The following DPY19L2 variants were observed in gnomAD, a reference collection of about 807,000 sequenced individuals.
The protein encoded by DPY19L2 is dpy-19 like 2.
In DPY19L2, 34 loss-of-function variants were observed where a neutral mutation model predicts 97.9. The ratio of observed to expected loss-of-function variants is 0.35; its 90% CI spans 0.26 to 0.46. The LOEUF is 0.46. DPY19L2 is among the 20% of genes least tolerant of loss of function. The pLI, the probability that DPY19L2 is intolerant of heterozygous loss-of-function variation, is 1.00. For missense variants in DPY19L2, 623 were observed against 911.4 expected, an observed-to-expected ratio of 0.68 and a Z score of 4.07; for synonymous variants, 230 against 307.9, an observed-to-expected ratio of 0.75 and a Z score of 2.65.
chr12:63,618,587 AC>A (rs1468723602), intron 9 of DPY19L2, among the ~76,000 whole-genome samples: 1 of 152,054 alleles, frequency 6.6e-6, no homozygotes, highest in African/African-American at 2.4e-5. Context: ...TGGAAGACCA[AC>A]AAGCTGAGCA....
At chr12:63,647,502 G>A in intron 4 of DPY19L2, 137 bp from the exon 5 acceptor site, 1 of 367,524 alleles carries the variant, frequency 2.7e-6, no homozygotes, top group Non-Finnish European at 4.5e-6. Flanking sequence ...TGACATGGAT[G>A]AAGCTGGAAA....
At chr12:63,566,986 A>G (rs567467510) in intron 21 of DPY19L2, among the ~76,000 whole-genome samples, 1 of 152,204 alleles carries the variant, frequency 6.6e-6, no homozygotes, top group African/African-American at 2.4e-5. Context: ...AACGTTTACC[A>G]TCTGTTTGTG....
intron 13 of DPY19L2, among the ~76,000 whole-genome samples, chr12:63,598,632 T>G (rs1196029659): frequency 5.3e-5 from 8 of 152,178 alleles, no homozygotes; most frequent in Admixed American, 1.3e-4. Flanking sequence ...ATTCAAATTA[T>G]TTTATAGTGA....
intron 6 of DPY19L2, among the ~76,000 whole-genome samples, chr12:63,641,151 G>A (rs200092685): frequency 6.6e-5 from 10 of 151,940 alleles, no homozygotes; most frequent in East Asian, 1.9e-4. Flanking sequence ...TGATCTGCCC[G>A]CCTCGGCCTC....
intron 6 of DPY19L2, among the ~76,000 whole-genome samples, chr12:63,627,548 C>G (rs1300490482): frequency 6.6e-6 from 1 of 152,124 alleles, no homozygotes; most frequent in Admixed American, 6.5e-5. Context: ...CGGTGCTTCA[C>G]CATGTTGGCC....
chr12:63,619,440 C>T (rs1242485330), intron 9 of DPY19L2, among the ~76,000 whole-genome samples: 1 of 151,786 alleles, frequency 6.6e-6, no homozygotes, highest in Non-Finnish European at 1.5e-5. Context: ...AAACTATATA[C>T]ATTAGTAAAG....
intron 6 of DPY19L2, among the ~76,000 whole-genome samples, chr12:63,635,291 C>G (rs1364769709): frequency 1.3e-5 from 2 of 152,104 alleles, no homozygotes; most frequent in Non-Finnish European, 2.9e-5. Flanking sequence ...ACGTCACCAT[C>G]ATCAAAGACC....
intron 16 of DPY19L2, among the ~76,000 whole-genome samples, chr12:63,591,365 T>C (rs34151628): frequency 0.4 from 60,912 of 151,890 alleles, 12,239 homozygotes; most frequent in East Asian, 0.48. Context: ...TATTTACAAA[T>C]ATAAAATGTA....
chr12:63,592,183 AAGGG>A (rs1226614472), intron 16 of DPY19L2, among the ~76,000 whole-genome samples: 1 of 147,198 alleles, frequency 6.8e-6, no homozygotes, highest in Non-Finnish European at 1.5e-5. Context: ...GGAAGGGAGG[AAGGG>A]AGGGAGGGAG....
intron 11 of DPY19L2, among the ~76,000 whole-genome samples, chr12:63,610,186 A>G (rs1170465346): frequency 7.2e-5 from 11 of 152,048 alleles, no homozygotes; most frequent in Non-Finnish European, 1.5e-4. Context: ...TAAAAAGCCA[A>G]CTAAATGGGT....
upstream of DPY19L2, chr12:63,668,777 A>G: frequency 9.4e-6 from 2 of 213,680 alleles, no homozygotes; most frequent in Non-Finnish European, 1.9e-5. Context: ...AGCCCCATGT[A>G]CAGCCCCGGA....
intron 6 of DPY19L2, among the ~76,000 whole-genome samples, chr12:63,643,150 T>G (rs1372120755): frequency 6.6e-6 from 1 of 152,114 alleles, no homozygotes; most frequent in Non-Finnish European, 1.5e-5. Flanking sequence ...GCAAATACTG[T>G]ATCCATAAAC....
At chr12:63,643,594 G>A (rs556345879) in intron 6 of DPY19L2, among the ~76,000 whole-genome samples, 2 of 152,280 alleles carry the variant, frequency 1.3e-5, no homozygotes, top group East Asian at 1.9e-4. Context: ...GTTGTTTATT[G>A]TATCATTCAA....
intron 6 of DPY19L2, among the ~76,000 whole-genome samples, chr12:63,632,495 A>G (rs1303736774): frequency 6.6e-6 from 1 of 152,204 alleles, no homozygotes; most frequent in East Asian, 1.9e-4. Context: ...GTACCTAGGA[A>G]TCCAACTTAC....
intron 6 of DPY19L2, among the ~76,000 whole-genome samples, chr12:63,640,888 T>C (rs1041295949): frequency 6.6e-6 from 1 of 152,134 alleles, no homozygotes; most frequent in Non-Finnish European, 1.5e-5. Context: ...TATTCATTTA[T>C]TTATTGATTT....
chr12:63,653,962 A>G (rs1894619413), intron 4 of DPY19L2, among the ~76,000 whole-genome samples: 1 of 152,062 alleles, frequency 6.6e-6, no homozygotes, highest in Admixed American at 6.5e-5. Context: ...AGTAATGAAA[A>G]GAAACTGCAT....
intron 11 of DPY19L2, among the ~76,000 whole-genome samples, chr12:63,612,603 T>TA (rs61376652): frequency 0.035 from 4,708 of 133,954 alleles, 245 homozygotes; most frequent in African/African-American, 0.11. Context: ...TTTATACCTT[T>TA]AAAAAAAAAA....
chr12:63,585,028 C>T (rs1424615517), intron 16 of DPY19L2, among the ~76,000 whole-genome samples: 2 of 151,978 alleles, frequency 1.3e-5, no homozygotes, highest in Non-Finnish European at 2.9e-5. Flanking sequence ...AAATGTGTTC[C>T]GATGGTGGCA....
intron 19 of DPY19L2, among the ~76,000 whole-genome samples, chr12:63,573,156 C>CA (rs1243342083): frequency 7.2e-5 from 11 of 151,914 alleles, no homozygotes; most frequent in African/African-American, 2.4e-4. Context: ...GCCTTTCAGA[C>CA]AGAGAATTCA....
Sources: gnomAD v4.1 joint callset for allele counts (sites outside exome capture counted in the v4.1 genomes callset) on GRCh38, gnomAD v4.1.1 for gene constraint, MANE v1.5 for transcripts, NCBI Gene and HGNC (gene_info 2026-07-23, HGNC 2026-07-21) for gene names.